Variants in OTUD7B observed in about 807,000 individuals in gnomAD.
The protein encoded by OTUD7B is OTU domain-containing protein 7B.
Under a neutral mutation model 82.2 loss-of-function variants are expected in OTUD7B, and 34 were observed. The ratio of observed to expected loss-of-function variants is 0.41; its 90% CI spans 0.31 to 0.55. The LOEUF is 0.55. OTUD7B is among the 20% of genes least tolerant of loss of function. OTUD7B has a pLI of 0.20. For synonymous variants in OTUD7B, 398 were observed against 402.7 expected (o/e 0.99, Z 0.14); for missense variants, 944 against 1,062.1 (o/e 0.89, Z 1.55).
the OTUD7B span, among the ~76,000 whole-genome samples, chr1:150,020,180 G>A: frequency 6.6e-6 from 1 of 151,844 alleles, no homozygotes; most frequent in Non-Finnish European, 1.5e-5. Flanking sequence ...TTTTAAGGTA[G>A]GTGATGTAAT....
At chr1:150,064,309 T>C in the OTUD7B span, among the ~76,000 whole-genome samples, 1 of 152,204 alleles carries the variant, frequency 6.6e-6, no homozygotes, top group Non-Finnish European at 1.5e-5. Flanking sequence ...ATACTAGTTG[T>C]ATGACACAAG....
intron 2 of OTUD7B, among the ~76,000 whole-genome samples, chr1:149,973,992 G>A (rs1650115211): frequency 6.6e-6 from 1 of 151,884 alleles, no homozygotes; most frequent in South Asian, 2.1e-4. Flanking sequence ...GAGTAGCTAG[G>A]ATTACAGGCA....
intron 1 of OTUD7B, among the ~76,000 whole-genome samples, chr1:149,986,150 G>A (rs1041894579): frequency 6.6e-6 from 1 of 151,610 alleles, no homozygotes; most frequent in Middle Eastern, 3.4e-3. Flanking sequence ...CAGGAATCTT[G>A]GCTTGTTCAT....
chr1:149,947,284 A>G lies in OTUD7B; in HGVS notation c.1290T>C (p.Asn430=). The G allele has an allele frequency of 1.2e-6, 2 of 1,611,214 alleles. No individual in the cohort carries two copies. The highest frequency in any genetic ancestry group is 1.7e-6 in the Non-Finnish European group (2 of 1,177,438). ...VKLHLLHSYM[N]VKWIPLSSDA... ...CAGAGGACAGTGGGATCCACTTCAC[A>G]TTCATGTAGCTATGCAGCAGATGCA... The change falls in exon 11 of 12, where the codon AAT becomes AAC. Residue 430 remains asparagine (N), a synonymous_variant. Coordinates refer to ENST00000581312, the MANE Select transcript of OTUD7B (RefSeq NM_020205.4).
chr1:150,059,307 C>CTCCT, the OTUD7B span, among the ~76,000 whole-genome samples: 1 of 54,168 alleles, frequency 1.8e-5, no homozygotes, highest in African/African-American at 5.6e-5. Context: ...CCCCCCCCCC[C>CTCCT]CCCGCCTCCC....
At chr1:149,954,958 G>C (rs1238489991) in intron 7 of OTUD7B, among the ~76,000 whole-genome samples, 1 of 152,040 alleles carries the variant, frequency 6.6e-6, no homozygotes. Context: ...TCTTGCCAGC[G>C]GTCTATCAAA....
At chr1:150,040,632 G>A in the OTUD7B span, among the ~76,000 whole-genome samples, 1 of 151,756 alleles carries the variant, frequency 6.6e-6, no homozygotes, top group Non-Finnish European at 1.5e-5. Context: ...AAATGTGAAA[G>A]TAACAAATGA....
At chr1:149,991,952 G>C (rs587659266) in intron 1 of OTUD7B, among the ~76,000 whole-genome samples, 1 of 152,284 alleles carries the variant, frequency 6.6e-6, no homozygotes, top group South Asian at 2.1e-4. Flanking sequence ...TCATGGGGCA[G>C]GGCACGGTGG....
intron 1 of OTUD7B, among the ~76,000 whole-genome samples, chr1:149,982,142 C>G (rs994702534): frequency 8.6e-5 from 13 of 150,590 alleles, no homozygotes; most frequent in Middle Eastern, 3.4e-3. Context: ...GAGCGAGACT[C>G]CATCTCTAAA....
chr1:149,975,039 TACCACTTTTGC>T (rs1418235422), intron 2 of OTUD7B, among the ~76,000 whole-genome samples: 1 of 152,122 alleles, frequency 6.6e-6, no homozygotes, highest in Non-Finnish European at 1.5e-5. Context: ...ACCAGCTTCC[TACCACTTTTGC>T]ACCATTCTTA....
the OTUD7B span, among the ~76,000 whole-genome samples, chr1:150,038,567 A>G: frequency 6.6e-6 from 1 of 150,666 alleles, no homozygotes; most frequent in Non-Finnish European, 1.5e-5. Flanking sequence ...TTGTATTTTT[A>G]GTAGAGACGG....
chr1:149,994,304 C>T lies in OTUD7B; in HGVS notation c.-67+16144G>A, dbSNP rs587621948. ...TCAAACATCAAAAACAAAACCCAGC[C>T]GGGCGCAGTGGCTCACGCCTATAAT... On this transcript the variant is annotated intron_variant, in intron 1 of 11. Coordinates refer to ENST00000581312, the MANE Select transcript of OTUD7B (RefSeq NM_020205.4). Among the ~76,000 whole-genome samples, 25 of 152,230 alleles carry T rather than the reference C, an allele frequency of 1.6e-4. No homozygotes were observed. The East Asian group carries it at 4.2e-3, about 26-fold the overall frequency.
the OTUD7B span, chr1:150,054,370 TG>T: frequency 1.9e-6 from 1 of 538,146 alleles, no homozygotes. Context: ...AGCTGGCTAG[TG>T]GCTGGTTACT....
Position 149,940,037 on chromosome 1 carries a change from A to G in OTUD7B, c.*3820T>C, listed in dbSNP as rs1003239360. The G allele has an allele frequency of 2.0e-5, 3 of 151,464 alleles. No individual in the cohort carries two copies. The highest frequency in any genetic ancestry group is 2.1e-4 in the South Asian group (1 of 4,778). The allele number at this position is 151,464 out of a possible 1,614,324, so 9.4% of individuals were successfully genotyped here. The stretch of plus-strand genomic sequence containing the variant: ...CATCTCTGAAATACTCTTTATTGAG[A>G]AAAAAAAATGTGACTGGAACCTTGG... On this transcript the variant is annotated 3_prime_UTR_variant, in exon 12 of 12. Transcript: ENST00000581312.
the OTUD7B span, among the ~76,000 whole-genome samples, chr1:150,046,228 T>C: frequency 6.6e-6 from 1 of 152,040 alleles, no homozygotes; most frequent in Non-Finnish European, 1.5e-5. Context: ...AGAAATGCAA[T>C]CTTCCCCCAA....
At chr1:150,009,373 A>G (rs1157342065) in intron 1 of OTUD7B, among the ~76,000 whole-genome samples, 1 of 152,210 alleles carries the variant, frequency 6.6e-6, no homozygotes, top group African/African-American at 2.4e-5. Context: ...CCTTTGAAAT[A>G]GATTCTGAAA....
At chr1:150,001,306 T>G (rs1270319224) in intron 1 of OTUD7B, among the ~76,000 whole-genome samples, 1 of 152,148 alleles carries the variant, frequency 6.6e-6, no homozygotes, top group East Asian at 1.9e-4. Flanking sequence ...AAGGGCCAGG[T>G]GATTTGATGA....
intron 11 of OTUD7B, among the ~76,000 whole-genome samples, chr1:149,946,634 C>T (rs587595964): frequency 2.7e-5 from 4 of 148,074 alleles, no homozygotes; most frequent in African/African-American, 7.5e-5. Flanking sequence ...CCCAGCTACT[C>T]GTGAGGCTGA....
At chr1:150,054,340 G>A in the OTUD7B span, 2 of 522,360 alleles carry the variant, frequency 3.8e-6, no homozygotes, top group Non-Finnish European at 7.6e-6. Flanking sequence ...ACAGGGGCAA[G>A]AGGGTGATTT....
Sources: gnomAD v4.1 joint callset for allele counts (sites outside exome capture counted in the v4.1 genomes callset) on GRCh38, gnomAD v4.1.1 for gene constraint, MANE v1.5 for transcripts, NCBI Gene and HGNC (gene_info 2026-07-23, HGNC 2026-07-21) for gene names.